ZPR1: variants seen among roughly 807,000 people sequenced by gnomAD.
ZPR1 encodes ZPR1 zinc finger, also known as zinc finger protein ZPR1.
ZPR1 carries 37 observed loss-of-function variants against 59.6 expected under a neutral mutation model. The observed-to-expected ratio is 0.62, with a 90% confidence interval of 0.48 to 0.82. The LOEUF is 0.82. Among genes scored for constraint, ZPR1 ranks in the 40% least tolerant of loss-of-function variants. The pLI is 0.00. For synonymous variants in ZPR1, 191 were observed against 215.2 expected (o/e 0.89, Z 0.99); for missense variants, 527 against 579.9 (o/e 0.91, Z 0.94).
rs1210735549 is a variant in ZPR1, at chr11:116,776,983, C to G, written c.*1942G>C. 1 of 152,200 alleles carries G rather than the reference C, an allele frequency of 6.6e-6. No individual in the cohort carries two copies. The highest frequency in any genetic ancestry group is 2.4e-5 in the African/African-American group (1 of 41,434). 9.4% of individuals were successfully genotyped at this position (152,200 alleles called of 1,614,324 possible). ...TAGTTTGAATGAGTCATTTGCTAAC[C>G]TGAGTCTCCAAACACCTTACTCTCG... is the stretch of plus-strand genomic sequence containing the variant. On this transcript the variant is annotated 3_prime_UTR_variant, in exon 14 of 14. Coordinates refer to ENST00000227322, the MANE Select transcript of ZPR1 (RefSeq NM_003904.5).
At chr11:116,781,872 C>T (rs1284966238) in intron 12 of ZPR1, among the ~76,000 whole-genome samples, 1 of 151,824 alleles carries the variant, frequency 6.6e-6, no homozygotes, top group Non-Finnish European at 1.5e-5. Context: ...ATTAGCCAGG[C>T]GTGGTGGTGT....
rs776649169 is a variant in ZPR1, at chr11:116,782,147, T to C, written c.1179+11A>G. Reference sequence around the variant, plus strand: ...AGGATTCTAAGTACTGACTGGCCAGTGACCTCTTACCTGGTCCATCTTCTG... The same window carrying C: ...AGGATTCTAAGTACTGACTGGCCAGCGACCTCTTACCTGGTCCATCTTCTG... On this transcript the variant is annotated intron_variant, in intron 12 of 13. Transcript: ENST00000227322. The C allele has an allele frequency of 1.2e-6, 2 of 1,611,130 alleles. No individual in the cohort carries two copies. Among genetic ancestry groups the C allele is most frequent in the Non-Finnish European group, 1.7e-6 (2 of 1,177,824 alleles).
At position 116,787,646 on chromosome 11, in the gene ZPR1, G is replaced by A; in HGVS notation, c.172-3C>T. 1.2e-6 allele frequency: 2 copies of A among 1,607,782 alleles called. No individual in the cohort carries two copies. Among genetic ancestry groups the A allele is most frequent in the Non-Finnish European group, 1.7e-6 (2 of 1,174,870 alleles). ...GTGAGCAGGAGGCGCGTCATGCCCT[G>A]GTGAAGTAGAAAGTAGCTAAGGAAA... On this transcript the variant is annotated splice_polypyrimidine_tract_variant and splice_region_variant and intron_variant, in intron 1 of 13. Transcript: ENST00000227322.
At position 116,779,052 on chromosome 11, in the gene ZPR1, T is replaced by A. The variant is rs376498246; in HGVS notation, c.1253A>T (p.Tyr418Phe). 7 of 1,614,036 alleles carry A rather than the reference T, an allele frequency of 4.3e-6. No homozygotes were observed. Among genetic ancestry groups the A allele is most frequent in the Non-Finnish European group, 5.9e-6 (7 of 1,180,022 alleles). The stretch of plus-strand genomic sequence containing the variant: ...CATCTCAGGATCATCTTCAGGCGCA[T>A]ACACATTCTGCAAGGTCAAGGAGAG... ...PAGNSYLQNV[Y>F]APEDDPEMKV... Residue 418 changes from tyrosine (Y) to phenylalanine (F), a missense_variant, in exon 14 of 14, where the codon TAT becomes TTT. Coordinates refer to ENST00000227322, the MANE Select transcript of ZPR1 (RefSeq NM_003904.5).
At chr11:116,781,885 G>A (rs1403066046) in intron 12 of ZPR1, among the ~76,000 whole-genome samples, 1 of 151,986 alleles carries the variant, frequency 6.6e-6, no homozygotes, top group Middle Eastern at 3.4e-3. Flanking sequence ...GGTGGTGTGC[G>A]CCTGTAATCC....
chr11:116,781,074 G>A (rs1940797254), intron 12 of ZPR1, among the ~76,000 whole-genome samples: 1 of 151,790 alleles, frequency 6.6e-6, no homozygotes, highest in Non-Finnish European at 1.5e-5. Flanking sequence ...TTGAAGGGTT[G>A]GAAAATAAAG....
In ZPR1 at chr11:116,785,119, C is replaced by T. The variant is rs773698714; in HGVS notation, c.733G>A (p.Glu245Lys). Residue 245 changes from glutamate to lysine, a missense_variant, in exon 7 of 14, where the codon GAG becomes AAG. Transcript: ENST00000227322. ...CTCACTTCATTTCTGAGATCTTCCT[C>T]TTCTGGCTTCTCTGCTGGTGCTTCT... is the stretch of plus-strand genomic sequence containing the variant. ...QEEAPAEKPE[E>K]EDLRNEVLQF... 1 of 1,614,160 alleles carries T rather than the reference C, an allele frequency of 6.2e-7. No individual in the cohort carries two copies. Among genetic ancestry groups the T allele is most frequent in the Non-Finnish European group, 8.5e-7 (1 of 1,180,040 alleles).
intron 9 of ZPR1, 33 bp from the exon 10 acceptor site, chr11:116,783,652 A>G: frequency 6.3e-7 from 1 of 1,581,658 alleles, no homozygotes; most frequent in Non-Finnish European, 8.7e-7. Context: ...CAACAGAGAG[A>G]AGACCTGAGC....
chr11:116,780,568 T>C (rs1470758605), intron 12 of ZPR1, among the ~76,000 whole-genome samples: 1 of 151,950 alleles, frequency 6.6e-6, no homozygotes, highest in Non-Finnish European at 1.5e-5. Flanking sequence ...CTTTCAGAGC[T>C]ACCTAATTTC....
rs755149164 is a variant in ZPR1 at position 116,779,044 on chromosome 11, C to G, written c.1261G>C (p.Glu421Gln). 5.6e-6 allele frequency: 9 copies of G among 1,614,152 alleles called. No homozygotes were observed. Among genetic ancestry groups the G allele is most frequent in the Non-Finnish European group, 7.6e-6 (9 of 1,180,028 alleles). Reference protein sequence around the residue: ...NSYLQNVYAPEDDPEMKVERY... With the variant: ...NSYLQNVYAPQDDPEMKVERY... Reference sequence around the variant, plus strand: ...TCCACCTTCATCTCAGGATCATCTTCAGGCGCATACACATTCTGCAAGGTC... The same window carrying G: ...TCCACCTTCATCTCAGGATCATCTTGAGGCGCATACACATTCTGCAAGGTC... The change falls in exon 14 of 14, where the codon GAA (glutamate) becomes CAA (glutamine). Residue 421 changes from glutamate to glutamine, a missense_variant. Coordinates refer to ENST00000227322, the MANE Select transcript of ZPR1 (RefSeq NM_003904.5).
At chr11:116,786,914 A>G in intron 3 of ZPR1, 55 bp downstream of exon 3, 1 of 1,431,036 alleles carries the variant, frequency 7.0e-7, no homozygotes, top group Non-Finnish European at 9.9e-7. Context: ...TGCAAGAAAG[A>G]GGGTAAGATT....
chr11:116,785,041 A>G lies in ZPR1; in HGVS notation c.753+58T>C. On this transcript the variant is annotated intron_variant, in intron 7 of 13. Transcript: ENST00000227322. ...GTGACAAGGAAGACAGATGCTGAAC[A>G]GCATCAGTCTCAGCCCACAACTCTG... 3 of 1,608,262 alleles carry G rather than the reference A, an allele frequency of 1.9e-6. No homozygotes were observed. The South Asian group carries it at 3.3e-5, about 18-fold the overall frequency.
chr11:116,783,659 G>A lies in ZPR1; in HGVS notation c.892-40C>T, dbSNP rs185082164. 1,501 of 1,556,092 alleles carry A rather than the reference G, an allele frequency of 9.6e-4. 10 individuals are homozygous for A. The highest frequency in any genetic ancestry group is 2.5e-4 in the Non-Finnish European group (284 of 1,127,160). ...GTCAGGAGCAACAGAGAGAAGACCT[G>A]AGCCTCACTTGGTACCCAGGAGACC... is the stretch of plus-strand genomic sequence containing the variant. On this transcript the variant is annotated intron_variant, in intron 9 of 13. Transcript: ENST00000227322.
chr11:116,786,934 T>G (rs369531724), intron 3 of ZPR1, 35 bp downstream of exon 3: 2 of 1,565,090 alleles, frequency 1.3e-6, no homozygotes, highest in Admixed American at 3.3e-5. Context: ...TCTAGCTACA[T>G]GCGAACAGCC....
chr11:116,787,174 C>G (rs1272067344), intron 2 of ZPR1, 115 bp from the exon 3 acceptor site: 7 of 948,468 alleles, frequency 7.4e-6, no homozygotes, highest in Non-Finnish European at 1.2e-5. Flanking sequence ...TCCCTCTCGC[C>G]ACTCCACAGG....
intron 5 of ZPR1, 30 bp downstream of exon 5, chr11:116,785,766 C>G: frequency 6.2e-7 from 1 of 1,613,158 alleles, no homozygotes; most frequent in Non-Finnish European, 8.5e-7. Context: ...CTCCCCTAAT[C>G]AAGGGCAACT....
chr11:116,783,933 A>G (rs538985563), intron 9 of ZPR1, among the ~76,000 whole-genome samples: 4 of 151,796 alleles, frequency 2.6e-5, no homozygotes, highest in South Asian at 4.2e-4. Flanking sequence ...CCTTTCATCC[A>G]CTGCATCCAA....
Position 116,787,627 on chromosome 11 carries a change from A to T in ZPR1, c.188T>A (p.Leu63Gln). 1.9e-6 allele frequency: 3 copies of T among 1,612,008 alleles called. No individual in the cohort carries two copies. Among genetic ancestry groups the T allele is most frequent in the Non-Finnish European group, 2.5e-6 (3 of 1,178,152 alleles). ...NCYCNGMTRL[L>Q]LTKIPFFREI... ...TCTGAAGAAGGGAATCTTGGTGAGC[A>T]GGAGGCGCGTCATGCCCTGGTGAAG... Residue 63 changes from leucine to glutamine, a missense_variant, in exon 2 of 14, where the codon CTG (leucine) becomes CAG (glutamine). Transcript: ENST00000227322.
rs1940755503 is a variant in ZPR1, at chr11:116,778,739, T to C, written c.*186A>G. ...TCCAAAATAAGGTCAAGTAACACAATAGGCTCACACTTGCATCACAAGCTG... is the reference window on the plus strand; with the variant it reads ...TCCAAAATAAGGTCAAGTAACACAACAGGCTCACACTTGCATCACAAGCTG... On this transcript the variant is annotated 3_prime_UTR_variant, in exon 14 of 14. Coordinates refer to ENST00000227322, the MANE Select transcript of ZPR1 (RefSeq NM_003904.5). 1.4e-6 allele frequency: 1 copy of C among 736,042 alleles called. No homozygotes were observed. The highest frequency in any genetic ancestry group is 2.1e-6 in the Non-Finnish European group (1 of 474,270). The allele number at this position is 736,042 out of a possible 1,614,324, so 45.6% of individuals were successfully genotyped here.
Sources: gnomAD v4.1 joint callset for allele counts (sites outside exome capture counted in the v4.1 genomes callset) on GRCh38, gnomAD v4.1.1 for gene constraint, MANE v1.5 for transcripts, NCBI Gene and HGNC (gene_info 2026-07-23, HGNC 2026-07-21) for gene names.